The following RAD52 variants were observed in gnomAD, a reference collection of about 807,000 sequenced individuals.
RAD52 encodes the protein RAD52 DNA repair protein, also known as DNA repair protein RAD52 homolog.
RAD52 carries 47 observed loss-of-function variants against 55.5 expected under a neutral mutation model. The observed-to-expected ratio is 0.85, with a 90% CI of 0.67 to 1.08. The LOEUF (loss-of-function observed/expected upper bound fraction) is 1.08, where lower values mean the gene tolerates loss of function less well. Ranked by LOEUF, RAD52 falls within the 50% of genes least tolerant of loss-of-function variation. RAD52 has a pLI of 0.00. For synonymous variants in RAD52, 184 were observed against 198.9 expected, an observed-to-expected ratio of 0.92 and a Z score of 0.63; for missense variants, 468 against 522.8, an observed-to-expected ratio of 0.90 and a Z score of 1.02.
At chr12:982,796 C>T (rs1409123984) in intron 1 of RAD52, among the ~76,000 whole-genome samples, 2 of 151,326 alleles carry the variant, frequency 1.3e-5, no homozygotes, top group Admixed American at 1.3e-4. Context: ...CCCACACCCC[C>T]GCCCGCCCCT....
intron 1 of RAD52, among the ~76,000 whole-genome samples, chr12:943,868 ATTC>A (rs1327599614): frequency 4.6e-5 from 7 of 151,860 alleles, no homozygotes; most frequent in African/African-American, 1.2e-4. Context: ...TCATGAAGAT[ATTC>A]TTCTCATCTT....
At chr12:978,031 T>C (rs1260566741) in intron 1 of RAD52, among the ~76,000 whole-genome samples, 1 of 152,174 alleles carries the variant, frequency 6.6e-6, no homozygotes, top group Non-Finnish European at 1.5e-5. Context: ...TTGACACTGA[T>C]TGATATTTTT....
At chr12:914,186 A>G (rs532117958) in intron 10 of RAD52, 65 bp from the exon 11 acceptor site, 16 of 1,473,264 alleles carry the variant, frequency 1.1e-5, no homozygotes, top group Non-Finnish European at 1.4e-5. Context: ...AAAGCACTGG[A>G]AAAACTGGCC....
intron 1 of RAD52, among the ~76,000 whole-genome samples, chr12:955,729 C>A (rs566258295): frequency 2.0e-5 from 3 of 152,050 alleles, no homozygotes; most frequent in African/African-American, 7.2e-5. Context: ...GCCTCGGTCT[C>A]CCAAAGTGCT....
intron 1 of RAD52, among the ~76,000 whole-genome samples, chr12:988,318 T>G (rs78259076): frequency 4.4e-3 from 666 of 152,344 alleles, no homozygotes; most frequent in Middle Eastern, 0.014. Context: ...CTGAGTATCC[T>G]AGTATACTAA....
chr12:933,016 G>A lies in RAD52; in HGVS notation c.43C>T (p.His15Tyr), dbSNP rs772910927. ...EEAILGGRDSHPAAGGGSVLC... is the reference protein window; with the variant it reads ...EEAILGGRDSYPAAGGGSVLC... ...ACTGAGCCGCCGCCAGCAGCAGGAT[G>A]GCTGTCACGTCCTCCAAGAATTGCT... Residue 15 changes from histidine to tyrosine, a missense_variant, in exon 2 of 12, where the codon CAT becomes TAT. Transcript: ENST00000358495. 9 of 1,614,000 alleles carry A rather than the reference G, an allele frequency of 5.6e-6. No homozygotes were observed. The highest frequency in any genetic ancestry group is 1.6e-4 in the Middle Eastern group (1 of 6,062).
intron 5 of RAD52, among the ~76,000 whole-genome samples, chr12:929,506 T>G (rs780809103): frequency 6.6e-6 from 1 of 152,220 alleles, no homozygotes; most frequent in Non-Finnish European, 1.5e-5. Flanking sequence ...CAAACACTTA[T>G]CAGTGATGGT....
At chr12:933,484 T>G (rs1346021381) in intron 1 of RAD52, among the ~76,000 whole-genome samples, 1 of 151,090 alleles carries the variant, frequency 6.6e-6, no homozygotes, top group East Asian at 1.9e-4. Flanking sequence ...AGAATCCCTA[T>G]GCAATACCCT....
At chr12:916,123 G>A (rs1193336386) in intron 9 of RAD52, 26 of 1,238,662 alleles carry the variant, frequency 2.1e-5, no homozygotes, top group Non-Finnish European at 2.6e-5. Flanking sequence ...TTAGTTCCAC[G>A]GGGGAAAAAA....
chr12:979,560 CGTGT>C (rs754442641), intron 1 of RAD52, among the ~76,000 whole-genome samples: 37 of 151,036 alleles, frequency 2.4e-4, no homozygotes, highest in Non-Finnish European at 4.3e-4. Context: ...TCTCTCTGTG[CGTGT>C]GTGTGTGTGT....
upstream of RAD52, chr12:990,952 A>AAT (rs1555185836): frequency 6.7e-6 from 1 of 150,032 alleles, no homozygotes; most frequent in African/African-American, 2.5e-5. Context: ...TGTGTGTGTG[A>AAT]GTGTGTGTGT....
intron 1 of RAD52, among the ~76,000 whole-genome samples, chr12:964,900 T>C (rs2154120866): frequency 6.6e-6 from 1 of 152,048 alleles, no homozygotes; most frequent in South Asian, 2.1e-4. Context: ...GTTTTCAATA[T>C]TCAATATTTT....
chr12:965,359 T>C (rs1435764564), intron 1 of RAD52, among the ~76,000 whole-genome samples: 2 of 152,102 alleles, frequency 1.3e-5, no homozygotes, highest in Non-Finnish European at 2.9e-5. Flanking sequence ...TATTAACAAG[T>C]ACGACTGCTT....
chr12:956,408 A>C (rs1304052256), intron 1 of RAD52, among the ~76,000 whole-genome samples: 2 of 152,206 alleles, frequency 1.3e-5, no homozygotes, highest in Non-Finnish European at 2.9e-5. Context: ...TGGGCCCCAC[A>C]AATTGTATAG....
At chr12:957,771 T>C (rs920295610) in intron 1 of RAD52, among the ~76,000 whole-genome samples, 1 of 152,166 alleles carries the variant, frequency 6.6e-6, no homozygotes, top group African/African-American at 2.4e-5. Flanking sequence ...GCCTGGGCAA[T>C]AGAGTGAGGC....
rs104895071 is a variant in RAD52 at position 931,131 on chromosome 12, G to A, written c.186+89C>T. On this transcript the variant is annotated intron_variant, in intron 3 of 11. Transcript: ENST00000358495. ...CAGGAACAGTTAACAGCAGACTTCCGAATCCCTGAGGACCCAGAGAGGGAA... is the reference window on the plus strand; with the variant it reads ...CAGGAACAGTTAACAGCAGACTTCCAAATCCCTGAGGACCCAGAGAGGGAA... 8,439 of 1,077,940 alleles carry A rather than the reference G, an allele frequency of 7.8e-3. 54 individuals are homozygous for A. The highest frequency in any genetic ancestry group is 0.01 in the Non-Finnish European group (7,586 of 727,242). 66.8% of individuals were successfully genotyped at this position (1,077,940 alleles called of 1,614,324 possible). A position where few individuals can be genotyped will look rare whatever the true frequency, so the allele number is the denominator to read the frequency against.
chr12:913,891 T>C lies in RAD52; in HGVS notation c.1195+3A>G, dbSNP rs1324347605. 6 of 1,613,160 alleles carry C rather than the reference T, an allele frequency of 3.7e-6. No homozygotes were observed. Among genetic ancestry groups the C allele is most frequent in the Non-Finnish European group, 5.1e-6 (6 of 1,179,180 alleles). The stretch of plus-strand genomic sequence containing the variant: ...TTTTTGTGCCTAAACACCTCTCTGC[T>C]ACCTGTTGTGCGTTGGTCAGCGCTA... On this transcript the variant is annotated splice_donor_region_variant and intron_variant, in intron 11 of 11. Transcript: ENST00000358495.
chr12:916,239 C>T, intron 9 of RAD52, 105 bp downstream of exon 9: 1 of 1,523,922 alleles, frequency 6.6e-7, no homozygotes. Context: ...CCAGCGAGGC[C>T]TGGTTTGGAG....
chr12:982,071 C>T (rs1423190263), intron 1 of RAD52, among the ~76,000 whole-genome samples: 1 of 152,176 alleles, frequency 6.6e-6, no homozygotes. Flanking sequence ...CGAATGGCAG[C>T]CTTGTTGCTA....
Sources: gnomAD v4.1 joint callset for allele counts (sites outside exome capture counted in the v4.1 genomes callset) on GRCh38, gnomAD v4.1.1 for gene constraint, MANE v1.5 for transcripts, NCBI Gene and HGNC (gene_info 2026-07-23, HGNC 2026-07-21) for gene names.